The following HS3ST5 variants were observed in gnomAD, a reference collection of about 807,000 sequenced individuals.
HS3ST5 encodes heparan sulfate glucosamine 3-O-sulfotransferase 5.
Under a neutral mutation model 25.4 loss-of-function variants are expected in HS3ST5, and 10 were observed. The observed-to-expected ratio is 0.39, with a 90% confidence interval of 0.24 to 0.67. The LOEUF (loss-of-function observed/expected upper bound fraction) is 0.67, where lower values mean the gene tolerates loss of function less well. Among genes scored for constraint, HS3ST5 ranks in the 30% least tolerant of loss-of-function variants. The probability of loss-of-function intolerance (pLI) is 0.44; values close to 1 mark genes in which losing one functional copy is unlikely to be tolerated. For synonymous variants in HS3ST5, 170 were observed against 162.4 expected, an observed-to-expected ratio of 1.05 and a Z score of -0.36; for missense variants, 324 against 420.7, an observed-to-expected ratio of 0.77 and a Z score of 2.01.
intron 1 of HS3ST5, among the ~76,000 whole-genome samples, chr6:114,288,353 AT>A (rs1209577161): frequency 1.3e-5 from 2 of 152,100 alleles, no homozygotes; most frequent in Non-Finnish European, 2.9e-5. Context: ...GGTACATTTT[AT>A]TTTATGAACT....
In HS3ST5 at chr6:114,158,683, T is replaced by C. The variant is rs1778808950; in HGVS notation, c.-33+9668A>G. The stretch of plus-strand genomic sequence containing the variant: ...GATAAATATGTTCAACCAAAATGTA[T>C]TGAGGACTTGTTCTTTGCAAAATAC... On this transcript the variant is annotated intron_variant, in intron 3 of 4. Transcript: ENST00000312719. 3.9e-5 allele frequency among the ~76,000 whole-genome samples: 6 copies of C among 152,182 alleles called. 1 individual carries two copies. The South Asian group carries it at 1.2e-3, about 32-fold the overall frequency.
intron 1 of HS3ST5, among the ~76,000 whole-genome samples, chr6:114,233,242 T>C (rs1393211729): frequency 3.3e-5 from 5 of 152,170 alleles, no homozygotes; most frequent in African/African-American, 1.2e-4. Context: ...TATAAGTATA[T>C]TGAAGATAAG....
chr6:114,144,640 A>G (rs1218071944), intron 3 of HS3ST5, among the ~76,000 whole-genome samples: 1 of 152,204 alleles, frequency 6.6e-6, no homozygotes, highest in Non-Finnish European at 1.5e-5. Context: ...CCAAAAATCC[A>G]TAGATTGTTT....
chr6:114,089,027 C>T (rs1297289097), intron 3 of HS3ST5: 3 of 152,196 alleles, frequency 2.0e-5, no homozygotes, highest in African/African-American at 7.2e-5. Flanking sequence ...GTGGTAAGTA[C>T]AGGACCTGAT....
chr6:114,248,419 C>T (rs1372974866), intron 1 of HS3ST5, among the ~76,000 whole-genome samples: 1 of 151,492 alleles, frequency 6.6e-6, no homozygotes, highest in Non-Finnish European at 1.5e-5. Context: ...CTAACAGTTT[C>T]TTACATAAAG....
intron 3 of HS3ST5, among the ~76,000 whole-genome samples, chr6:114,083,321 A>C (rs1364936826): frequency 6.6e-6 from 1 of 152,192 alleles, no homozygotes; most frequent in Non-Finnish European, 1.5e-5. Context: ...GACAGGAGGC[A>C]GTTTTACAAA....
At chr6:114,117,887 G>A (rs1221576195) in intron 3 of HS3ST5, among the ~76,000 whole-genome samples, 5 of 150,976 alleles carry the variant, frequency 3.3e-5, no homozygotes, top group Admixed American at 6.7e-5. Flanking sequence ...TGTGGGCAAC[G>A]TAGGGAATTC....
intron 3 of HS3ST5, among the ~76,000 whole-genome samples, chr6:114,123,041 C>A (rs545289673): frequency 6.6e-6 from 1 of 152,318 alleles, no homozygotes. Flanking sequence ...CAAACTCCAC[C>A]TCCTGGGTTC....
chr6:114,233,283 A>G (rs189844675), intron 1 of HS3ST5, among the ~76,000 whole-genome samples: 79 of 152,288 alleles, frequency 5.2e-4, no homozygotes, highest in African/African-American at 1.9e-3. Context: ...ATACCCTATA[A>G]TAGAATGCCA....
chr6:114,266,225 A>G (rs1054354143), intron 1 of HS3ST5, among the ~76,000 whole-genome samples: 2 of 152,206 alleles, frequency 1.3e-5, no homozygotes, highest in Non-Finnish European at 2.9e-5. Flanking sequence ...GACCTTTGCT[A>G]TCATAAACTC....
At chr6:114,309,299 T>C (rs1775432532) in intron 1 of HS3ST5, among the ~76,000 whole-genome samples, 1 of 152,148 alleles carries the variant, frequency 6.6e-6, no homozygotes, top group Non-Finnish European at 1.5e-5. Flanking sequence ...CCAGAAGAGA[T>C]TTAAGCAGTA....
At chr6:114,224,715 C>T (rs527985638) in intron 2 of HS3ST5, among the ~76,000 whole-genome samples, 1 of 151,152 alleles carries the variant, frequency 6.6e-6, no homozygotes, top group East Asian at 1.9e-4. Context: ...CACACACACA[C>T]ACACACCGAC....
intron 2 of HS3ST5, among the ~76,000 whole-genome samples, chr6:114,183,615 T>C (rs941851078): frequency 6.6e-6 from 1 of 152,156 alleles, no homozygotes; most frequent in African/African-American, 2.4e-5. Flanking sequence ...GAAGTGCTAT[T>C]GTAACAAACA....
chr6:114,336,168 A>T (rs1417761125), intron 1 of HS3ST5, among the ~76,000 whole-genome samples: 1 of 152,212 alleles, frequency 6.6e-6, no homozygotes, highest in Non-Finnish European at 1.5e-5. Context: ...TGGTATGTTG[A>T]TGTTAAAGAT....
At chr6:114,232,190 C>T (rs995487804) in intron 1 of HS3ST5, among the ~76,000 whole-genome samples, 2 of 152,082 alleles carry the variant, frequency 1.3e-5, no homozygotes, top group Admixed American at 6.6e-5. Context: ...TAAACCTTTC[C>T]AGATTCTTCT....
chr6:114,312,743 T>C (rs1775581601), intron 1 of HS3ST5, among the ~76,000 whole-genome samples: 1 of 151,868 alleles, frequency 6.6e-6, no homozygotes, highest in African/African-American at 2.4e-5. Context: ...AAAGAATATA[T>C]ACTCAGCCGG....
At chr6:114,310,034 G>A (rs1481056039) in intron 1 of HS3ST5, among the ~76,000 whole-genome samples, 1 of 152,168 alleles carries the variant, frequency 6.6e-6, no homozygotes, top group African/African-American at 2.4e-5. Flanking sequence ...ATGATTCAAT[G>A]GAAGTGAGCA....
At chr6:114,174,576 T>C (rs1270394548) in intron 2 of HS3ST5, among the ~76,000 whole-genome samples, 1 of 152,198 alleles carries the variant, frequency 6.6e-6, no homozygotes, top group Non-Finnish European at 1.5e-5. Flanking sequence ...TATAACCACA[T>C]TTTAAAAAAT....
intron 2 of HS3ST5, among the ~76,000 whole-genome samples, chr6:114,194,261 G>A (rs568919383): frequency 3.3e-5 from 5 of 152,086 alleles, no homozygotes; most frequent in African/African-American, 7.2e-5. Flanking sequence ...GCTCCCTTTA[G>A]CTGAATAATA....
Sources: allele counts gnomAD v4.1 joint callset (sites outside exome capture counted in the v4.1 genomes callset), GRCh38; gene constraint gnomAD v4.1.1; transcripts MANE v1.5; gene names NCBI Gene and HGNC (gene_info 2026-07-23, HGNC 2026-07-21).